PALM2AKAP2: variants seen among roughly 807,000 people sequenced by gnomAD.
The protein encoded by PALM2AKAP2 is PALM2 and AKAP2 fusion.
Under a neutral mutation model 71.5 loss-of-function variants are expected in PALM2AKAP2, and 37 were observed. That is an observed-to-expected ratio of 0.52 (90% CI 0.40 to 0.68). PALM2AKAP2 has a LOEUF of 0.68. PALM2AKAP2 is among the 30% of genes least tolerant of loss of function. PALM2AKAP2 has a pLI of 0.00. For synonymous variants in PALM2AKAP2, 468 were observed against 478.8 expected, an observed-to-expected ratio of 0.98 and a Z score of 0.29; for missense variants, 1,224 against 1,191.8, an observed-to-expected ratio of 1.03 and a Z score of -0.40.
intron 1 of PALM2AKAP2, among the ~76,000 whole-genome samples, chr9:110,073,360 GA>G (rs1220872882): frequency 6.6e-5 from 10 of 152,204 alleles, no homozygotes; most frequent in Non-Finnish European, 1.5e-4. Context: ...TGGGACACTT[GA>G]AGTGAGCCTC....
At chr9:109,897,874 C>T (rs942005283) in intron 3 of PALM2AKAP2, among the ~76,000 whole-genome samples, 1 of 152,198 alleles carries the variant, frequency 6.6e-6, no homozygotes, top group African/African-American at 2.4e-5. Flanking sequence ...CCTCTATCCT[C>T]TCACCAAGAT....
chr9:110,168,272 C>A, intron 3 of PALM2AKAP2, 127 bp from the exon 11 acceptor site: 1 of 1,166,546 alleles, frequency 8.6e-7, no homozygotes, highest in East Asian at 2.7e-5. Flanking sequence ...TCCTATCTCC[C>A]AGCAGTGCTT....
At chr9:109,758,120 A>G (rs1828993446) in intron 1 of PALM2AKAP2, among the ~76,000 whole-genome samples, 1 of 152,050 alleles carries the variant, frequency 6.6e-6, no homozygotes, top group Non-Finnish European at 1.5e-5. Flanking sequence ...AAATACTAAC[A>G]TACTGCACAC....
rs566753922 is a variant in PALM2AKAP2, at chr9:109,932,028, G to A, written c.496G>A (p.Gly166Arg). 12 of 1,611,916 alleles carry A rather than the reference G, an allele frequency of 7.4e-6. No individual in the cohort carries two copies. In the South Asian group the frequency reaches 1.3e-4, roughly 18 times the overall value. ...GCAGGACGGGACCAGCAGAGCGGCT[G>A]GTAAGTCCTGGGGACCTTTGGACGC... The change falls in exon 6 of 10, where the codon GGA becomes AGA. Residue 166 changes from glycine (G) to arginine (R), a missense_variant and splice_region_variant. By Grantham distance (125) the Gly-to-Arg change is moderately radical. Coordinates refer to the PALM2AKAP2 transcript ENST00000302798.
chr9:109,907,448 G>C (rs1369590922), intron 3 of PALM2AKAP2, among the ~76,000 whole-genome samples: 1 of 152,180 alleles, frequency 6.6e-6, no homozygotes, highest in African/African-American at 2.4e-5. Flanking sequence ...GCCAGGAACT[G>C]CCTGCCTCTA....
At chr9:109,718,108 T>C (rs1185147779) in intron 1 of PALM2AKAP2, among the ~76,000 whole-genome samples, 5 of 152,050 alleles carry the variant, frequency 3.3e-5, no homozygotes, top group African/African-American at 1.2e-4. Flanking sequence ...TGAGACAGGG[T>C]CTCATTCTGT....
intron 1 of PALM2AKAP2, among the ~76,000 whole-genome samples, chr9:110,067,841 T>C (rs755659784): frequency 3.3e-5 from 5 of 152,234 alleles, no homozygotes; most frequent in Non-Finnish European, 7.3e-5. Flanking sequence ...TCTGCTGAAG[T>C]AGGTAAGGTA....
chr9:109,747,727 T>G (rs538619205), intron 1 of PALM2AKAP2, among the ~76,000 whole-genome samples: 1 of 152,282 alleles, frequency 6.6e-6, no homozygotes, highest in South Asian at 2.1e-4. Context: ...TGGAGTACAG[T>G]GGCATGATCT....
At chr9:109,953,851 A>AAAAAG (rs1474908038) in intron 6 of PALM2AKAP2, among the ~76,000 whole-genome samples, 1 of 151,456 alleles carries the variant, frequency 6.6e-6, no homozygotes, top group Non-Finnish European at 1.5e-5. Flanking sequence ...AAAAAAAAAA[A>AAAAAG]AAAAGAAAAG....
At chr9:109,723,886 T>C (rs1564125676) in intron 1 of PALM2AKAP2, among the ~76,000 whole-genome samples, 1 of 152,220 alleles carries the variant, frequency 6.6e-6, no homozygotes, top group Non-Finnish European at 1.5e-5. Context: ...AAATATATAT[T>C]TGTTGTATAG....
At chr9:109,881,323 A>G (rs1829844208) in intron 3 of PALM2AKAP2, among the ~76,000 whole-genome samples, 1 of 152,128 alleles carries the variant, frequency 6.6e-6, no homozygotes, top group African/African-American at 2.4e-5. Context: ...TTGCCCCTTC[A>G]CTAGGTGCTC....
chr9:109,842,592 C>CA lies in PALM2AKAP2; in HGVS notation c.46-24893dup, dbSNP rs549879373. Among the ~76,000 whole-genome samples, 765 of 151,922 alleles carry CA rather than the reference C, an allele frequency of 5.0e-3. 6 individuals are homozygous for CA. The highest frequency in any genetic ancestry group is 0.017 in the African/African-American group (719 of 41,466). On this transcript the variant is annotated intron_variant, in intron 1 of 9. Transcript: ENST00000302798. Reference sequence around the variant, plus strand: ...TATAATGAACAATATCCACATAAACCAAAAAATGGCAGAGTTAACACTTCA... The same window carrying CA: ...TATAATGAACAATATCCACATAAACCAAAAAAATGGCAGAGTTAACACTTCA...
intron 3 of PALM2AKAP2, among the ~76,000 whole-genome samples, chr9:109,904,126 A>G (rs1830390824): frequency 6.6e-6 from 1 of 152,252 alleles, no homozygotes. Context: ...TTTGAATAGT[A>G]CTTGCTCCAT....
intron 1 of PALM2AKAP2, chr9:110,048,864 C>T: frequency 1.3e-6 from 2 of 1,488,094 alleles, no homozygotes; most frequent in Non-Finnish European, 1.8e-6. Flanking sequence ...AGGTGGGTGT[C>T]CAAGCTGGGG....
chr9:110,072,616 T>C (rs1473153483), intron 1 of PALM2AKAP2, among the ~76,000 whole-genome samples: 1 of 152,172 alleles, frequency 6.6e-6, no homozygotes, highest in Non-Finnish European at 1.5e-5. Flanking sequence ...GGCGTAGTAA[T>C]CCTTGGGTGC....
chr9:110,119,826 C>T (rs1052783345), intron 1 of PALM2AKAP2, among the ~76,000 whole-genome samples: 2 of 152,082 alleles, frequency 1.3e-5, no homozygotes, highest in African/African-American at 2.4e-5. Flanking sequence ...ATTATAATAA[C>T]GTGAGTTGTG....
chr9:109,697,171 T>G (rs569165578), intron 1 of PALM2AKAP2, among the ~76,000 whole-genome samples: 1 of 152,146 alleles, frequency 6.6e-6, no homozygotes, highest in South Asian at 2.1e-4. Context: ...TATAATGGAG[T>G]ACCACCTAGA....
At chr9:109,716,495 C>A (rs745521773) in intron 1 of PALM2AKAP2, among the ~76,000 whole-genome samples, 2 of 152,152 alleles carry the variant, frequency 1.3e-5, no homozygotes, top group Non-Finnish European at 2.9e-5. Context: ...ATGGGCTATA[C>A]TTATACTGCT....
chr9:109,717,068 G>A (rs965142622), intron 1 of PALM2AKAP2, among the ~76,000 whole-genome samples: 8 of 152,124 alleles, frequency 5.3e-5, no homozygotes, highest in Non-Finnish European at 1.2e-4. Flanking sequence ...GGTTGTGGGA[G>A]AAAGGCTTGG....
Sources: allele counts gnomAD v4.1 joint callset (sites outside exome capture counted in the v4.1 genomes callset), GRCh38; gene constraint gnomAD v4.1.1; transcripts MANE v1.5; gene names NCBI Gene and HGNC (gene_info 2026-07-23, HGNC 2026-07-21).